The following NAA16 variants were observed in gnomAD, a reference collection of about 807,000 sequenced individuals.
NAA16 encodes N-alpha-acetyltransferase 16, NatA auxiliary subunit.
NAA16 carries 97 observed loss-of-function variants against 110.3 expected under a neutral mutation model. The observed-to-expected ratio is 0.88, with a 90% CI of 0.75 to 1.04. The LOEUF (loss-of-function observed/expected upper bound fraction) is 1.04. Ranked by LOEUF, NAA16 falls within the 50% of genes least tolerant of loss-of-function variation. The pLI is 0.00. For missense variants in NAA16, 1,017 were observed against 1,005.1 expected (o/e 1.01, Z -0.16); for synonymous variants, 372 against 330.6 (o/e 1.13, Z -1.36).
intron 12 of NAA16, among the ~76,000 whole-genome samples, chr13:41,361,140 A>G (rs2139500772): frequency 6.6e-6 from 1 of 152,348 alleles, no homozygotes; most frequent in South Asian, 2.1e-4. Flanking sequence ...AAACTTGAGT[A>G]TCCTTGCACT....
intron 9 of NAA16, among the ~76,000 whole-genome samples, chr13:41,344,152 T>A (rs1302318791): frequency 6.6e-6 from 1 of 151,022 alleles, no homozygotes; most frequent in Non-Finnish European, 1.5e-5. Flanking sequence ...TCTCTCAGAG[T>A]CATTCAGTGG....
intron 9 of NAA16, among the ~76,000 whole-genome samples, chr13:41,340,357 AT>A (rs927043150): frequency 2.0e-5 from 3 of 151,824 alleles, no homozygotes; most frequent in African/African-American, 7.3e-5. Context: ...TTAGTTAGTT[AT>A]TGCCTTCTGC....
intron 18 of NAA16, among the ~76,000 whole-genome samples, chr13:41,374,138 T>A (rs1266296787): frequency 6.6e-6 from 1 of 150,392 alleles, no homozygotes; most frequent in East Asian, 2.0e-4. Context: ...ATAAATTATT[T>A]TTCTTTTTTT....
At chr13:41,326,100 G>A (rs987435507) in intron 6 of NAA16, among the ~76,000 whole-genome samples, 3 of 152,100 alleles carry the variant, frequency 2.0e-5, no homozygotes, top group Non-Finnish European at 4.4e-5. Context: ...ACTGGAGAGT[G>A]CTGGATTTGA....
At chr13:41,332,287 C>T (rs1234602951) in intron 8 of NAA16, among the ~76,000 whole-genome samples, 1 of 152,118 alleles carries the variant, frequency 6.6e-6, no homozygotes, top group African/African-American at 2.4e-5. Flanking sequence ...ACCACTTTCC[C>T]GAGTTTTGCT....
rs182176585 is a variant in NAA16 at position 41,372,227 on chromosome 13, G to A, written c.1972G>A (p.Val658Ile). The change falls in exon 16 of 20, where the codon GTT becomes ATT. Residue 658 changes from valine (V) to isoleucine (I), a missense_variant. Transcript: ENST00000379406. ...ERVENPLEEAVKFLIPLKNLV... is the reference protein window; with the variant it reads ...ERVENPLEEAIKFLIPLKNLV... ...GGTAGAAAATCCATTAGAGGAAGCCGTTAAGTTCCTTATACCTCTTAAGAA... is the reference window on the plus strand; with the variant it reads ...GGTAGAAAATCCATTAGAGGAAGCCATTAAGTTCCTTATACCTCTTAAGAA... The A allele has an allele frequency of 2.7e-4, 423 of 1,584,902 alleles. 1 individual carries two copies. Among genetic ancestry groups the A allele is most frequent in the Non-Finnish European group, 3.2e-4 (372 of 1,167,498 alleles).
rs755326138 is a variant in NAA16, at chr13:41,367,422, T to C, written c.1540-17T>C. 6 of 1,554,598 alleles carry C rather than the reference T, an allele frequency of 3.9e-6. No individual in the cohort carries two copies. The African/African-American group carries it at 8.2e-5, about 21-fold the overall frequency. Reference sequence around the variant, plus strand: ...GACATAAATGTAAAGGTTAATTTTGTGATTTTTGTTTTTAAGCATTTTTTT... The same window carrying C: ...GACATAAATGTAAAGGTTAATTTTGCGATTTTTGTTTTTAAGCATTTTTTT... On this transcript the variant is annotated splice_polypyrimidine_tract_variant and intron_variant, in intron 13 of 19. Transcript: ENST00000379406.
At chr13:41,374,870 T>C (rs879176207) in intron 19 of NAA16, 31 bp downstream of exon 19, 1 of 1,328,168 alleles carries the variant, frequency 7.5e-7, no homozygotes, top group Non-Finnish European at 1.1e-6. Flanking sequence ...TGATTTATGC[T>C]TACACAGTGA....
chr13:41,338,204 T>C (rs4346095), intron 9 of NAA16, among the ~76,000 whole-genome samples: 36,355 of 152,134 alleles, frequency 0.24, 4,866 homozygotes, highest in Admixed American at 0.33. Flanking sequence ...AGAAATCTTA[T>C]GTATGTGAAT....
At position 41,325,796 on chromosome 13, in the gene NAA16, T is replaced by G; in HGVS notation, c.636T>G (p.His212Gln). The change falls in exon 6 of 20, where the codon CAT (histidine) becomes CAG (glutamine). Residue 212 changes from histidine (H) to glutamine (Q), a missense_variant. Transcript: ENST00000379406. ...ATCTGTTGCAGGAATCTTTGGAACA[T>G]ATAGAAATGTATGAGAAACAAATAT... is the stretch of plus-strand genomic sequence containing the variant. Reference protein sequence around the residue: ...EADLLQESLEHIEMYEKQICD... With the variant: ...EADLLQESLEQIEMYEKQICD... 6.2e-7 allele frequency: 1 copy of G among 1,609,704 alleles called. No homozygotes were observed. Among genetic ancestry groups the G allele is most frequent in the Non-Finnish European group, 8.5e-7 (1 of 1,177,308 alleles).
chr13:41,333,905 C>T (rs953243618), intron 8 of NAA16, among the ~76,000 whole-genome samples: 3 of 151,800 alleles, frequency 2.0e-5, no homozygotes, highest in Non-Finnish European at 2.9e-5. Flanking sequence ...CTCTCTAGGA[C>T]ATGCTGTCTT....
intron 15 of NAA16, among the ~76,000 whole-genome samples, chr13:41,370,866 C>T (rs888252281): frequency 6.6e-6 from 1 of 152,080 alleles, no homozygotes; most frequent in African/African-American, 2.4e-5. Context: ...AAGAGAACCC[C>T]AGTAGAACAT....
chr13:41,369,324 A>C, intron 15 of NAA16, 41 bp downstream of exon 15: 1 of 1,478,140 alleles, frequency 6.8e-7, no homozygotes, highest in Middle Eastern at 2.5e-4. Context: ...GGTAAAATTT[A>C]TGCTATTTGG....
rs1262820827 is a variant in NAA16, at chr13:41,358,433, C to T, written c.1217C>T (p.Thr406Ile). The change falls in exon 11 of 20, where the codon ACT becomes ATT. Residue 406 changes from threonine to isoleucine, a missense_variant. Thr to Ile is a moderately conservative substitution (Grantham distance 89, BLOSUM62 -1). Transcript: ENST00000379406. The stretch of plus-strand genomic sequence containing the variant: ...AATGCTGCAATTGCTAGTACTCCAA[C>T]TCTAATAGAATTATTCTATATGAAA... ...YINAAIASTP[T>I]LIELFYMKAK... 1 of 1,613,018 alleles carries T rather than the reference C, an allele frequency of 6.2e-7. No individual in the cohort carries two copies. Among genetic ancestry groups the T allele is most frequent in the Non-Finnish European group, 8.5e-7 (1 of 1,179,154 alleles).
intron 1 of NAA16, among the ~76,000 whole-genome samples, chr13:41,313,965 T>C (rs1476849483): frequency 6.6e-6 from 1 of 151,860 alleles, no homozygotes; most frequent in African/African-American, 2.4e-5. Context: ...CAAGCGATTC[T>C]CGTGCCTCAG....
intron 13 of NAA16, among the ~76,000 whole-genome samples, chr13:41,365,752 A>G (rs910539964): frequency 5.9e-5 from 9 of 152,176 alleles, no homozygotes; most frequent in Admixed American, 1.3e-4. Flanking sequence ...GAGGCAGCCT[A>G]TGGGCTGTTA....
intron 5 of NAA16, among the ~76,000 whole-genome samples, chr13:41,325,327 C>G (rs1227801590): frequency 2.6e-5 from 4 of 152,094 alleles, no homozygotes; most frequent in Admixed American, 2.6e-4. Context: ...GGAACCAAAC[C>G]CACAATATCT....
chr13:41,355,143 G>T lies in NAA16; in HGVS notation c.1015-1G>T. 2 of 1,550,778 alleles carry T rather than the reference G, an allele frequency of 1.3e-6. No homozygotes were observed. The highest frequency in any genetic ancestry group is 1.8e-6 in the Non-Finnish European group (2 of 1,141,232). ...ATTTTAAAAATATGTTTCTTTAACA[G>T]GTTTCTATAATCCAGGAACTTGTTA... is the stretch of plus-strand genomic sequence containing the variant. On this transcript the variant is annotated splice_acceptor_variant, in intron 9 of 19. Coordinates refer to ENST00000379406, the MANE Select transcript of NAA16 (RefSeq NM_024561.5). LOFTEE classifies it high-confidence loss of function.
At chr13:41,372,953 T>G in intron 17 of NAA16, 123 bp downstream of exon 17, 2 of 1,183,944 alleles carry the variant, frequency 1.7e-6, no homozygotes. Flanking sequence ...AAAGCCCTGA[T>G]TTGTATTTTC....
Sources: gnomAD v4.1 joint callset for allele counts (sites outside exome capture counted in the v4.1 genomes callset) on GRCh38, gnomAD v4.1.1 for gene constraint, MANE v1.5 for transcripts, NCBI Gene and HGNC (gene_info 2026-07-23, HGNC 2026-07-21) for gene names.